Variants in SNTG1 observed in about 807,000 individuals in gnomAD.
SNTG1 encodes gamma-1-syntrophin.
A neutral mutation model predicts 74.7 loss-of-function variants in SNTG1; 39 were observed. The observed-to-expected ratio is 0.52, with a 90% CI of 0.40 to 0.68. The LOEUF (loss-of-function observed/expected upper bound fraction) is 0.68, where lower values mean the gene tolerates loss of function less well. Ranked by LOEUF, SNTG1 falls within the 30% of genes least tolerant of loss-of-function variation. The probability of loss-of-function intolerance (pLI) is 0.00; values close to 1 mark genes in which losing one functional copy is unlikely to be tolerated. For missense variants in SNTG1, 685 were observed against 609.5 expected (o/e 1.12, Z -1.30); for synonymous variants, 254 against 217.1 (o/e 1.17, Z -1.49).
intron 1 of SNTG1, among the ~76,000 whole-genome samples, chr8:49,928,213 G>T (rs1206587210): frequency 9.6e-6 from 1 of 104,672 alleles, no homozygotes; most frequent in Non-Finnish European, 1.9e-5. Context: ...GGGTGAAGAT[G>T]TGTCCATGCA....
At chr8:50,383,747 G>C (rs1395819781) in intron 2 of SNTG1, among the ~76,000 whole-genome samples, 2 of 152,154 alleles carry the variant, frequency 1.3e-5, no homozygotes, top group Non-Finnish European at 2.9e-5. Context: ...TGAATCACAA[G>C]CATGGTAAGA....
At chr8:50,077,145 A>G (rs1377607775) in intron 1 of SNTG1, among the ~76,000 whole-genome samples, 1 of 152,178 alleles carries the variant, frequency 6.6e-6, no homozygotes. Context: ...ATCCAACTGC[A>G]TATTTTGGCT....
chr8:50,007,206 C>A (rs963661619), intron 1 of SNTG1, among the ~76,000 whole-genome samples: 1 of 152,032 alleles, frequency 6.6e-6, no homozygotes, highest in Non-Finnish European at 1.5e-5. Flanking sequence ...TTTGAGGCTG[C>A]GGGTCAGGAA....
At chr8:50,647,449 T>C (rs545846839) in intron 13 of SNTG1, among the ~76,000 whole-genome samples, 6 of 151,702 alleles carry the variant, frequency 4.0e-5, no homozygotes, top group Admixed American at 1.3e-4. Flanking sequence ...CATATATATA[T>C]ACATATATAT....
intron 15 of SNTG1, among the ~76,000 whole-genome samples, chr8:50,677,167 TATACTGAAA>T (rs1160939336): frequency 6.6e-6 from 1 of 151,954 alleles, no homozygotes; most frequent in African/African-American, 2.4e-5. Context: ...ATAATCCAAA[TATACTGAAA>T]ATAAGCACTG....
At chr8:50,697,529 T>A (rs947675285) in intron 15 of SNTG1, among the ~76,000 whole-genome samples, 1 of 152,198 alleles carries the variant, frequency 6.6e-6, no homozygotes, top group African/African-American at 2.4e-5. Flanking sequence ...TACTTTCAAC[T>A]TTTCCATTTT....
intron 15 of SNTG1, among the ~76,000 whole-genome samples, chr8:50,670,205 G>A (rs191332639): frequency 2.2e-4 from 33 of 152,278 alleles, no homozygotes; most frequent in African/African-American, 7.9e-4. Context: ...GATTAAGCAG[G>A]AGAAGGAAAT....
chr8:49,912,702 A>G (rs79920261), intron 1 of SNTG1, among the ~76,000 whole-genome samples: 5,039 of 152,290 alleles, frequency 0.033, 120 homozygotes, highest in Non-Finnish European at 0.055. Context: ...ATACATATAC[A>G]CCAGATTTCT....
intron 2 of SNTG1, among the ~76,000 whole-genome samples, chr8:50,301,684 G>T (rs2089652664): frequency 6.6e-6 from 1 of 151,816 alleles, no homozygotes; most frequent in Non-Finnish European, 1.5e-5. Flanking sequence ...TGCAATTTTA[G>T]ATTCTCACAT....
Position 50,658,583 on chromosome 8 carries a change from C to G in SNTG1, c.967-9C>G, listed in dbSNP as rs895045371. 6.3e-7 allele frequency: 1 copy of G among 1,582,462 alleles called. No individual in the cohort carries two copies. Among genetic ancestry groups the G allele is most frequent in the Middle Eastern group, 1.7e-4 (1 of 5,972 alleles). On this transcript the variant is annotated splice_polypyrimidine_tract_variant and intron_variant, in intron 14 of 18. Transcript: ENST00000642720. ...AACAAATTAAACATTATTTTCTTAT[C>G]TTTTAAAGGTGACCACCTGGGACTG...
At chr8:50,697,227 T>C (rs1230509438) in intron 15 of SNTG1, among the ~76,000 whole-genome samples, 1 of 152,140 alleles carries the variant, frequency 6.6e-6, no homozygotes, top group East Asian at 1.9e-4. Context: ...TCCTTTCAAC[T>C]GCATTATTGT....
chr8:50,423,111 G>T lies in SNTG1; in HGVS notation c.163-15432G>T, dbSNP rs147691955. Among the ~76,000 whole-genome samples the T allele has an allele frequency of 3.5e-3, 526 of 152,244 alleles. 3 individuals are homozygous for T. The highest frequency in any genetic ancestry group is 0.012 in the African/African-American group (506 of 41,560). On this transcript the variant is annotated intron_variant, in intron 4 of 18. Coordinates refer to ENST00000642720, the MANE Select transcript of SNTG1 (RefSeq NM_018967.5). ...ATATAACATATTTTTGACCAAAAATGAGTAAATATCAATATTTTAAAAGAA... is the reference window on the plus strand; with the variant it reads ...ATATAACATATTTTTGACCAAAAATTAGTAAATATCAATATTTTAAAAGAA...
At chr8:50,623,064 TG>T (rs2094933605) in intron 13 of SNTG1, among the ~76,000 whole-genome samples, 1 of 152,136 alleles carries the variant, frequency 6.6e-6, no homozygotes, top group African/African-American at 2.4e-5. Context: ...TTTTTGGTTT[TG>T]TTTTTTGTGT....
At chr8:50,724,691 T>C (rs890962649) in intron 17 of SNTG1, among the ~76,000 whole-genome samples, 32 of 152,168 alleles carry the variant, frequency 2.1e-4, no homozygotes, top group Non-Finnish European at 2.9e-5. Flanking sequence ...TTCACCAAAA[T>C]CAATTCAGGT....
chr8:50,583,751 C>G (rs146019211), intron 12 of SNTG1, among the ~76,000 whole-genome samples: 1,833 of 148,938 alleles, frequency 0.012, 39 homozygotes, highest in African/African-American at 0.042. Context: ...AGGTAAGTTT[C>G]TTCAGATTTG....
At chr8:50,316,801 T>G (rs1413261056) in intron 2 of SNTG1, among the ~76,000 whole-genome samples, 2 of 152,154 alleles carry the variant, frequency 1.3e-5, no homozygotes, top group Non-Finnish European at 2.9e-5. Flanking sequence ...CAAATACATA[T>G]TGAACAACCA....
intron 1 of SNTG1, among the ~76,000 whole-genome samples, chr8:50,096,703 CTT>C (rs1222792403): frequency 1.3e-5 from 2 of 152,070 alleles, no homozygotes; most frequent in African/African-American, 4.8e-5. Flanking sequence ...AAAGTAGGGA[CTT>C]TTTCCAGAAA....
At chr8:50,058,392 A>T (rs1820200688) in intron 1 of SNTG1, among the ~76,000 whole-genome samples, 2 of 152,132 alleles carry the variant, frequency 1.3e-5, no homozygotes, top group Non-Finnish European at 2.9e-5. Context: ...TCAGGCTAGA[A>T]ACCACACACC....
chr8:50,027,621 G>C (rs978362853), intron 1 of SNTG1, among the ~76,000 whole-genome samples: 1 of 152,130 alleles, frequency 6.6e-6, no homozygotes, highest in East Asian at 1.9e-4. Flanking sequence ...AGGCAAGGGG[G>C]CATTCTTCGT....
Sources: gnomAD v4.1 joint callset for allele counts (sites outside exome capture counted in the v4.1 genomes callset) on GRCh38, gnomAD v4.1.1 for gene constraint, MANE v1.5 for transcripts, NCBI Gene and HGNC (gene_info 2026-07-23, HGNC 2026-07-21) for gene names.